The following REEP3 variants were observed in gnomAD, a reference collection of about 807,000 sequenced individuals.
REEP3 encodes receptor accessory protein 3.
REEP3 carries 20 observed loss-of-function variants against 41.3 expected under a neutral mutation model. That is an observed-to-expected ratio of 0.48 (90% CI 0.34 to 0.70). The LOEUF (loss-of-function observed/expected upper bound fraction) is 0.70, where lower values mean the gene tolerates loss of function less well. Among genes scored for constraint, REEP3 ranks in the 30% least tolerant of loss-of-function variants. The probability of loss-of-function intolerance (pLI) is 0.01; values close to 1 mark genes in which losing one functional copy is unlikely to be tolerated. For synonymous variants in REEP3, 104 were observed against 101.8 expected (o/e 1.02, Z -0.13); for missense variants, 271 against 308.8 (o/e 0.88, Z 0.92).
intron 1 of REEP3, among the ~76,000 whole-genome samples, chr10:63,531,340 G>T (rs139262745): frequency 6.6e-6 from 1 of 152,318 alleles, no homozygotes; most frequent in South Asian, 2.1e-4. Flanking sequence ...ATAATTCTCT[G>T]TTGTGGGAGA....
intron 1 of REEP3, among the ~76,000 whole-genome samples, chr10:63,539,419 G>A (rs918407188): frequency 2.6e-5 from 4 of 152,166 alleles, no homozygotes; most frequent in Non-Finnish European, 5.9e-5. Flanking sequence ...CTTTACCAAT[G>A]TTGGAAATTG....
rs1564477633 is a variant in REEP3 at position 63,556,629 on chromosome 10, G to GTT, written c.33-9706_33-9705dup. On this transcript the variant is annotated intron_variant, in intron 1 of 7. Coordinates refer to ENST00000373758, the MANE Select transcript of REEP3 (RefSeq NM_001001330.3). The stretch of plus-strand genomic sequence containing the variant: ...CTGTTTGCTTGTTTTTTTTTTTGTT[G>GTT]TTTTGTTTTTTTTTTTTTTTTTTTG... Among the ~76,000 whole-genome samples the GTT allele has an allele frequency of 1.3e-3, 17 of 13,400 alleles. 1 individual carries two copies. Among genetic ancestry groups the GTT allele is most frequent in the African/African-American group, 2.9e-3 (16 of 5,436 alleles). 8.8% of individuals were successfully genotyped at this position (13,400 alleles called of 152,430 possible).
At chr10:63,559,035 C>T (rs1363204107) in intron 1 of REEP3, among the ~76,000 whole-genome samples, 2 of 152,126 alleles carry the variant, frequency 1.3e-5, no homozygotes, top group East Asian at 3.9e-4. Flanking sequence ...ATTCTGAAAG[C>T]CATGAAATAA....
chr10:63,608,670 G>A (rs1956251099), intron 5 of REEP3, among the ~76,000 whole-genome samples: 1 of 152,178 alleles, frequency 6.6e-6, no homozygotes, highest in Non-Finnish European at 1.5e-5. Flanking sequence ...TATATGCTAT[G>A]CAAATTTAAA....
At chr10:63,588,142 C>T (rs1956024898) in intron 2 of REEP3, among the ~76,000 whole-genome samples, 1 of 152,184 alleles carries the variant, frequency 6.6e-6, no homozygotes, top group Non-Finnish European at 1.5e-5. Context: ...ATGCCGCCTA[C>T]TGCAGAGTAA....
chr10:63,564,820 C>T (rs528446715), intron 1 of REEP3, among the ~76,000 whole-genome samples: 1 of 152,158 alleles, frequency 6.6e-6, no homozygotes, highest in African/African-American at 2.4e-5. Flanking sequence ...AACATCACAA[C>T]CAAGAAGTGA....
At chr10:63,532,949 T>C (rs1287301654) in intron 1 of REEP3, among the ~76,000 whole-genome samples, 1 of 152,174 alleles carries the variant, frequency 6.6e-6, no homozygotes, top group Non-Finnish European at 1.5e-5. Flanking sequence ...CTAACTGTCT[T>C]AGAGTCATCA....
At chr10:63,581,290 G>T (rs1377063754) in intron 2 of REEP3, among the ~76,000 whole-genome samples, 1 of 152,074 alleles carries the variant, frequency 6.6e-6, no homozygotes, top group Non-Finnish European at 1.5e-5. Flanking sequence ...TATTCCTGAA[G>T]ATTGTAGCTA....
At chr10:63,567,107 G>A (rs964384723) in intron 2 of REEP3, among the ~76,000 whole-genome samples, 2 of 152,080 alleles carry the variant, frequency 1.3e-5, no homozygotes, top group Non-Finnish European at 2.9e-5. Flanking sequence ...AATTTTTAGA[G>A]AATAGCAAAA....
intron 5 of REEP3, among the ~76,000 whole-genome samples, chr10:63,600,551 G>C (rs987005715): frequency 2.6e-5 from 4 of 152,096 alleles, no homozygotes; most frequent in Admixed American, 6.5e-5. Context: ...TTTTATTTTA[G>C]AAGTTCATTT....
chr10:63,617,315 T>C (rs1956319409), intron 6 of REEP3, among the ~76,000 whole-genome samples: 2 of 152,244 alleles, frequency 1.3e-5, no homozygotes, highest in African/African-American at 4.8e-5. Flanking sequence ...GCTTATGTTA[T>C]TATGAGAGTA....
At chr10:63,608,695 A>C (rs757596802) in intron 5 of REEP3, among the ~76,000 whole-genome samples, 5 of 152,210 alleles carry the variant, frequency 3.3e-5, no homozygotes, top group African/African-American at 7.2e-5. Flanking sequence ...GTAAATTTAG[A>C]ATTTTTTTTT....
chr10:63,602,252 A>G (rs1956178668), intron 5 of REEP3, among the ~76,000 whole-genome samples: 1 of 152,214 alleles, frequency 6.6e-6, no homozygotes, highest in African/African-American at 2.4e-5. Context: ...TATTGAGAGT[A>G]TGGGGGAAAG....
At chr10:63,537,028 G>A (rs1213625914) in intron 1 of REEP3, among the ~76,000 whole-genome samples, 2 of 152,106 alleles carry the variant, frequency 1.3e-5, no homozygotes, top group African/African-American at 4.8e-5. Flanking sequence ...AAAGAAATTT[G>A]GCATATGCAT....
At chr10:63,615,548 C>CTT (rs200849735) in intron 6 of REEP3, among the ~76,000 whole-genome samples, 4 of 142,692 alleles carry the variant, frequency 2.8e-5, no homozygotes, top group African/African-American at 5.1e-5. Context: ...CTAAATTAAA[C>CTT]TTTTTTTTTT....
chr10:63,532,523 G>T (rs184338580), intron 1 of REEP3, among the ~76,000 whole-genome samples: 1 of 151,896 alleles, frequency 6.6e-6, no homozygotes, highest in African/African-American at 2.4e-5. Context: ...TTATCCGGGC[G>T]TGTTGGCGGG....
chr10:63,593,699 G>A (rs184568844), intron 2 of REEP3, among the ~76,000 whole-genome samples: 5 of 152,262 alleles, frequency 3.3e-5, no homozygotes, highest in African/African-American at 1.2e-4. Context: ...ATAAATTTGG[G>A]AGAATTAACT....
chr10:63,586,433 A>G (rs80112611), intron 2 of REEP3, among the ~76,000 whole-genome samples: 196 of 152,264 alleles, frequency 1.3e-3, no homozygotes, highest in African/African-American at 4.4e-3. Flanking sequence ...TGGAAAATCA[A>G]TTTCTTTTGA....
chr10:63,544,414 T>C (rs971737199), intron 1 of REEP3, among the ~76,000 whole-genome samples: 7 of 152,030 alleles, frequency 4.6e-5, no homozygotes, highest in South Asian at 2.1e-4. Context: ...AAGGCTGAAG[T>C]GAGTATTTGG....
Sources: gnomAD v4.1 joint callset for allele counts (sites outside exome capture counted in the v4.1 genomes callset) on GRCh38, gnomAD v4.1.1 for gene constraint, MANE v1.5 for transcripts, NCBI Gene and HGNC (gene_info 2026-07-23, HGNC 2026-07-21) for gene names.